The following SHANK2 variants were observed in gnomAD, a reference collection of about 807,000 sequenced individuals.
The protein encoded by SHANK2 is SH3 and multiple ankyrin repeat domains 2, also known as SH3 and multiple ankyrin repeat domains protein 2.
In SHANK2, 43 loss-of-function variants were observed where a neutral mutation model predicts 133.7. That is an observed-to-expected ratio of 0.32 (90% CI 0.25 to 0.41). The LOEUF (loss-of-function observed/expected upper bound fraction) is 0.41. SHANK2 is among the 10% of genes least tolerant of loss of function. The pLI, the probability that SHANK2 is intolerant of heterozygous loss-of-function variation, is 1.00. For missense variants in SHANK2, 1,994 were observed against 2,235.8 expected (o/e 0.89, Z 2.18); for synonymous variants, 1,017 against 952.8 (o/e 1.07, Z -1.24).
At chr11:70,942,464 C>T in intron 10 of SHANK2, 1 of 444,674 alleles carries the variant, frequency 2.2e-6, no homozygotes, top group Non-Finnish European at 4.5e-6. Context: ...AGAACACCAC[C>T]AAGCTATTCA....
chr11:70,662,998 C>T (rs1225257392), intron 15 of SHANK2, among the ~76,000 whole-genome samples: 5 of 151,992 alleles, frequency 3.3e-5, no homozygotes, highest in Admixed American at 1.3e-4. Flanking sequence ...TGGAGGGGAG[C>T]GGGGAAGGGA....
intron 12 of SHANK2, among the ~76,000 whole-genome samples, chr11:70,815,593 G>A (rs571674825): frequency 6.6e-6 from 1 of 152,274 alleles, no homozygotes; most frequent in African/African-American, 2.4e-5. Flanking sequence ...TGGGGCGCTC[G>A]CCATTGTGCA....
At chr11:70,948,299 T>C in intron 10 of SHANK2, 1 of 457,276 alleles carries the variant, frequency 2.2e-6, no homozygotes, top group Non-Finnish European at 4.4e-6. Flanking sequence ...TTGTTAATTA[T>C]CTAATGTGCA....
intron 14 of SHANK2, among the ~76,000 whole-genome samples, chr11:70,755,634 G>A (rs1055574961): frequency 6.6e-6 from 1 of 152,190 alleles, no homozygotes; most frequent in African/African-American, 2.4e-5. Context: ...CTGGCAACCG[G>A]CCTTTCTCGT....
intron 15 of SHANK2, among the ~76,000 whole-genome samples, chr11:70,681,254 C>A (rs1239868827): frequency 1.3e-5 from 2 of 152,142 alleles, no homozygotes; most frequent in Non-Finnish European, 2.9e-5. Flanking sequence ...AGTCTGACGG[C>A]GGAAACCCCC....
Position 71,140,192 on chromosome 11 carries a change from G to A in SHANK2, c.207+6928C>T, listed in dbSNP as rs191200155. ...GGGATTTCTGGTTTCAGCCTCCAGG[G>A]GCTTTGTTTGTCTTGAACAGAGTGA... On this transcript the variant is annotated intron_variant, in intron 3 of 25. Transcript: ENST00000601538. 1.2e-3 allele frequency among the ~76,000 whole-genome samples: 178 copies of A among 152,358 alleles called. 1 individual carries two copies. The highest frequency in any genetic ancestry group is 2.0e-3 in the Non-Finnish European group (133 of 68,026).
intron 14 of SHANK2, among the ~76,000 whole-genome samples, chr11:70,709,642 A>G (rs1308542140): frequency 6.6e-6 from 1 of 152,232 alleles, no homozygotes; most frequent in Admixed American, 6.5e-5. Context: ...AGACACGGAC[A>G]CTGAGGCAGA....
In SHANK2 at chr11:70,822,057, A is replaced by T. The variant is rs574887084; in HGVS notation, c.1175-1375T>A. Among the ~76,000 whole-genome samples, 118 of 152,364 alleles carry T rather than the reference A, an allele frequency of 7.7e-4. 1 individual carries two copies. Among genetic ancestry groups the T allele is most frequent in the African/African-American group, 2.8e-3 (115 of 41,586 alleles). ...CAGAGCTCCAGAGCCTAAGACAGCGAGTGCCCTTTCCAAGAAAGAAGACCT... is the reference window on the plus strand; with the variant it reads ...CAGAGCTCCAGAGCCTAAGACAGCGTGTGCCCTTTCCAAGAAAGAAGACCT... On this transcript the variant is annotated intron_variant, in intron 11 of 25. Coordinates refer to ENST00000601538, the MANE Select transcript of SHANK2 (RefSeq NM_012309.5).
At chr11:70,597,121 G>A (rs139389228) in intron 17 of SHANK2, among the ~76,000 whole-genome samples, 8 of 152,182 alleles carry the variant, frequency 5.3e-5, no homozygotes, top group African/African-American at 1.2e-4. Context: ...ACTCAGGGGC[G>A]CAGCAGCACA....
intron 17 of SHANK2, among the ~76,000 whole-genome samples, chr11:70,563,015 G>T (rs1435114028): frequency 3.3e-5 from 5 of 152,090 alleles, no homozygotes; most frequent in African/African-American, 1.2e-4. Context: ...GGGATTACAG[G>T]CACCCACCAC....
intron 19 of SHANK2, 94 bp downstream of exon 19, chr11:70,502,104 TAGCGAGCA>T: frequency 7.3e-7 from 1 of 1,360,924 alleles, no homozygotes; most frequent in Non-Finnish European, 1.0e-6. Context: ...AGGAGGGGGG[TAGCGAGCA>T]AGCGTGGGGT....
intron 5 of SHANK2, among the ~76,000 whole-genome samples, chr11:71,112,828 C>CGTG (rs1555099615): frequency 1.3e-5 from 2 of 152,124 alleles, no homozygotes; most frequent in Non-Finnish European, 2.9e-5. Flanking sequence ...ATAGTGCATT[C>CGTG]CGCCAGGTTC....
chr11:70,576,241 G>T (rs987614325), intron 17 of SHANK2, among the ~76,000 whole-genome samples: 1 of 152,138 alleles, frequency 6.6e-6, no homozygotes, highest in Non-Finnish European at 1.5e-5. Flanking sequence ...CACGGAAGCT[G>T]CAGGTGAAGA....
chr11:70,529,829 G>GTT (rs2059445462), intron 17 of SHANK2, among the ~76,000 whole-genome samples: 1 of 152,154 alleles, frequency 6.6e-6, no homozygotes, highest in Non-Finnish European at 1.5e-5. Context: ...CTGGCCTCAT[G>GTT]TTTTCAGGGT....
At chr11:70,520,758 T>TG (rs2059320490) in intron 17 of SHANK2, among the ~76,000 whole-genome samples, 2 of 152,344 alleles carry the variant, frequency 1.3e-5, no homozygotes, top group South Asian at 4.1e-4. Flanking sequence ...TTTCAGTTGT[T>TG]TATTTATCAG....
chr11:70,734,571 C>T (rs553749960), intron 14 of SHANK2, among the ~76,000 whole-genome samples: 4 of 152,272 alleles, frequency 2.6e-5, no homozygotes, highest in Admixed American at 1.3e-4. Context: ...ATCCAATGGG[C>T]GAGGACCAAG....
At chr11:70,780,603 T>TGGAG in intron 14 of SHANK2, among the ~76,000 whole-genome samples, 1 of 150,136 alleles carries the variant, frequency 6.7e-6, no homozygotes, top group East Asian at 2.0e-4. Context: ...AGATAGAGTC[T>TGGAG]TGCTCTGTCA....
At position 70,485,567 on chromosome 11, in the gene SHANK2, C is replaced by T; in HGVS notation, c.4726G>A (p.Val1576Ile). ...ALVEEDVDSF[V>I]IPPPAPPPPP... Reference sequence around the variant, plus strand: ...GGCGGGGGAGCGGGCGGGGGGATAACAAAGCTATCTACATCTTCTTCCACG... The same window carrying T: ...GGCGGGGGAGCGGGCGGGGGGATAATAAAGCTATCTACATCTTCTTCCACG... The change falls in exon 25 of 26, where the codon GTT becomes ATT. Residue 1576 changes from valine to isoleucine, a missense_variant. Val to Ile is a conservative substitution (Grantham distance 29). Transcript: ENST00000601538. This position sits in a 1 kb window ranked among gnomAD's most constrained non-coding sequence, Gnocchi z 5.8. 6.2e-7 allele frequency: 1 copy of T among 1,613,480 alleles called. No homozygotes were observed. Among genetic ancestry groups the T allele is most frequent in the Middle Eastern group, 1.7e-4 (1 of 6,060 alleles).
intron 10 of SHANK2, among the ~76,000 whole-genome samples, chr11:70,911,339 T>C (rs574784845): frequency 1.3e-5 from 2 of 149,372 alleles, no homozygotes; most frequent in East Asian, 2.0e-4. Context: ...CTGGGCAACA[T>C]AGTGAGACTC....
Sources: allele counts gnomAD v4.1 joint callset (sites outside exome capture counted in the v4.1 genomes callset), GRCh38; gene constraint gnomAD v4.1.1; non-coding constraint Gnocchi (gnomAD v3.1); transcripts MANE v1.5; gene names NCBI Gene and HGNC (gene_info 2026-07-23, HGNC 2026-07-21).